Variants in UGT3A1 observed in about 807,000 individuals in gnomAD.
UGT3A1 encodes the protein UDP glycosyltransferase family 3 member A1, also known as UDP-glycosyltransferase 3A1.
A neutral mutation model predicts 37.6 loss-of-function variants in UGT3A1; 40 were observed. The observed-to-expected ratio is 1.06, with a 90% CI of 0.83 to 1.38. UGT3A1 has a LOEUF of 1.38. Among genes scored for constraint, UGT3A1 ranks in the 40% most tolerant of loss-of-function variants. The pLI, the probability that UGT3A1 is intolerant of heterozygous loss-of-function variation, is 0.00. For missense variants in UGT3A1, 642 were observed against 634.2 expected (o/e 1.01, Z -0.13); for synonymous variants, 256 against 232.3 (o/e 1.10, Z -0.93).
upstream of UGT3A1, among the ~76,000 whole-genome samples, chr5:35,994,629 G>C (rs958221412): frequency 6.6e-6 from 1 of 152,004 alleles, no homozygotes; most frequent in Non-Finnish European, 1.5e-5. Flanking sequence ...ATAAGGAGCT[G>C]ACCCCTCCCA....
chr5:35,986,602 A>C (rs1451110410), intron 2 of UGT3A1, among the ~76,000 whole-genome samples: 1 of 152,152 alleles, frequency 6.6e-6, no homozygotes, highest in Non-Finnish European at 1.5e-5. Flanking sequence ...GTTCTCACCC[A>C]TATGCAGTAG....
At chr5:35,981,233 C>T (rs114917279) in intron 2 of UGT3A1, among the ~76,000 whole-genome samples, 1,725 of 152,320 alleles carry the variant, frequency 0.011, 39 homozygotes, top group African/African-American at 0.039. Context: ...GCTAGCTTCA[C>T]TCTGCAATTA....
chr5:35,976,665 T>C (rs1308480678), intron 2 of UGT3A1, among the ~76,000 whole-genome samples: 5 of 151,864 alleles, frequency 3.3e-5, no homozygotes, highest in Non-Finnish European at 7.4e-5. Context: ...CATAGTGAGA[T>C]ACCGACTCTA....
rs1739765862 is a variant in UGT3A1, at chr5:35,965,535, C to T, written c.694G>A (p.Gly232Ser). 6.2e-7 allele frequency: 1 copy of T among 1,614,192 alleles called. No homozygotes were observed. Among genetic ancestry groups the T allele is most frequent in the Non-Finnish European group, 8.5e-7 (1 of 1,180,032 alleles). ...AGATGAGACAAAACTGGCCTAGAGCCTTCTGGGAAATGCTCCTTGATGGTG... is the reference window on the plus strand; with the variant it reads ...AGATGAGACAAAACTGGCCTAGAGCTTTCTGGGAAATGCTCCTTGATGGTG... ...DNTIKEHFPE[G>S]SRPVLSHLLL... Residue 232 changes from glycine to serine, a missense_variant, in exon 4 of 7, where the codon GGC (glycine) becomes AGC (serine). Coordinates refer to ENST00000274278, the MANE Select transcript of UGT3A1 (RefSeq NM_152404.4).
In UGT3A1 at chr5:35,965,427, T is replaced by C; in HGVS notation, c.802A>G (p.Ile268Val). The C allele has an allele frequency of 1.2e-6, 2 of 1,614,090 alleles. No homozygotes were observed. The highest frequency in any genetic ancestry group is 2.2e-5 in the East Asian group (1 of 44,872). The change falls in exon 4 of 7, where the codon ATT becomes GTT. Residue 268 changes from isoleucine to valine, a missense_variant. Coordinates refer to ENST00000274278, the MANE Select transcript of UGT3A1 (RefSeq NM_152404.4). ...ATAGGTTTTTCCATCAAGCCTCCAA[T>C]ATAAACAGTGTTGGGAAGCAGGGGC... ...ARPLLPNTVYIGGLMEKPIKP... is the reference protein window; with the variant it reads ...ARPLLPNTVYVGGLMEKPIKP...
chr5:35,961,225 G>A (rs760385057), intron 4 of UGT3A1: 5 of 152,128 alleles, frequency 3.3e-5, no homozygotes, highest in African/African-American at 1.2e-4. Context: ...GAATATGGAC[G>A]ATGGCCAATC....
intron 2 of UGT3A1, among the ~76,000 whole-genome samples, chr5:35,984,367 T>G (rs914857996): frequency 1.3e-5 from 2 of 152,254 alleles, no homozygotes; most frequent in Non-Finnish European, 2.9e-5. Context: ...TACTTAACTG[T>G]ATTGCTCGGT....
At position 35,952,717 on chromosome 5, in the gene UGT3A1, C is replaced by A. The variant is rs1739220776; in HGVS notation, c.*1485G>T. On this transcript the variant is annotated 3_prime_UTR_variant, in exon 7 of 7. Transcript: ENST00000274278. The stretch of plus-strand genomic sequence containing the variant: ...CCTTCATGGGAGTATGGCCATCAAT[C>A]AATTCATGTGGTTTCATAAGAATTA... The A allele has an allele frequency of 6.6e-6, 1 of 152,148 alleles. No homozygotes were observed. The highest frequency in any genetic ancestry group is 1.5e-5 in the Non-Finnish European group (1 of 68,024). 9.4% of individuals were successfully genotyped at this position (152,148 alleles called of 1,614,324 possible). A position where few individuals can be genotyped will look rare whatever the true frequency, so the allele number is the denominator to read the frequency against.
chr5:35,979,087 C>G (rs1431928628), intron 2 of UGT3A1, among the ~76,000 whole-genome samples: 1 of 152,158 alleles, frequency 6.6e-6, no homozygotes, highest in African/African-American at 2.4e-5. Flanking sequence ...AGCTCTACCC[C>G]TGTGTCTTTG....
In UGT3A1 at chr5:35,951,030, C is replaced by CTTT. The variant is rs1739191565; in HGVS notation, c.*3171_*3172insAAA. 2 of 150,070 alleles carry CTTT rather than the reference C, an allele frequency of 1.3e-5. No homozygotes were observed. Among genetic ancestry groups the CTTT allele is most frequent in the African/African-American group, 2.4e-5 (1 of 40,926 alleles). The allele number at this position is 150,070 out of a possible 1,614,324, so 9.3% of individuals were successfully genotyped here. On this transcript the variant is annotated 3_prime_UTR_variant, in exon 7 of 7. Transcript: ENST00000274278. The stretch of plus-strand genomic sequence containing the variant: ...ATTCGTTTGGAGTTCTTTTTTTTTT[C>CTTT]TGTTGATTGATTGTATACAGTATAT...
upstream of UGT3A1, chr5:35,991,563 C>T (rs1580968127): frequency 2.8e-6 from 3 of 1,090,818 alleles, no homozygotes; most frequent in East Asian, 1.8e-4. Context: ...TTACTAAGAG[C>T]CAGGAATGAC....
At chr5:35,975,157 G>A (rs987888177) in intron 2 of UGT3A1, among the ~76,000 whole-genome samples, 2 of 152,228 alleles carry the variant, frequency 1.3e-5, no homozygotes, top group Non-Finnish European at 2.9e-5. Flanking sequence ...AGCCAACCCT[G>A]TCATTTGCCT....
At chr5:35,958,872 C>T (rs1221417607) in intron 4 of UGT3A1, among the ~76,000 whole-genome samples, 1 of 152,200 alleles carries the variant, frequency 6.6e-6, no homozygotes, top group African/African-American at 2.4e-5. Context: ...TTTGTCTCAC[C>T]TAATTCAGAG....
At chr5:35,974,572 G>A (rs1202848828) in intron 2 of UGT3A1, among the ~76,000 whole-genome samples, 2 of 152,190 alleles carry the variant, frequency 1.3e-5, no homozygotes, top group African/African-American at 4.8e-5. Context: ...GACCTGTGCA[G>A]AAAACACGTG....
rs16900001 is a variant in UGT3A1 at position 35,968,397 on chromosome 5, A to G, written c.197-264T>C. 5.2e-3 allele frequency among the ~76,000 whole-genome samples: 785 copies of G among 152,314 alleles called. 20 individuals are homozygous for G. In the East Asian group the frequency reaches 0.055, roughly 11 times the overall value. ...AAAGCTTTCATTTAAAGGAACAGCTATTACACTTATTTTATAGATGAGACA... is the reference window on the plus strand; with the variant it reads ...AAAGCTTTCATTTAAAGGAACAGCTGTTACACTTATTTTATAGATGAGACA... On this transcript the variant is annotated intron_variant, in intron 2 of 6. Transcript: ENST00000274278.
chr5:35,973,010 A>AGTCAAGG (rs928978067), intron 2 of UGT3A1, among the ~76,000 whole-genome samples: 15 of 152,190 alleles, frequency 9.9e-5, no homozygotes, highest in African/African-American at 3.6e-4. Flanking sequence ...TTTCTGCTAA[A>AGTCAAGG]GTCAAGGCAA....
At chr5:35,993,151 G>T (rs750745667), upstream of UGT3A1, among the ~76,000 whole-genome samples, 1 of 151,926 alleles carries the variant, frequency 6.6e-6, no homozygotes, top group Non-Finnish European at 1.5e-5. Context: ...TGCTCCATTT[G>T]TTTTATATCA....
rs953962956 is a variant in UGT3A1, at chr5:35,951,243, G to A, written c.*2959C>T. On this transcript the variant is annotated 3_prime_UTR_variant, in exon 7 of 7. Transcript: ENST00000274278. The stretch of plus-strand genomic sequence containing the variant: ...TTAACGTTTCCAAAATCCAAACTAT[G>A]TAAAAACATAAACACATGGATCCTT... 1.3e-5 allele frequency: 2 copies of A among 152,024 alleles called. No individual in the cohort carries two copies. The highest frequency in any genetic ancestry group is 1.3e-4 in the Admixed American group (2 of 15,262). 9.4% of individuals were successfully genotyped at this position (152,024 alleles called of 1,614,324 possible).
intron 1 of UGT3A1, among the ~76,000 whole-genome samples, chr5:35,990,799 G>A (rs909702498): frequency 1.3e-5 from 2 of 152,144 alleles, no homozygotes; most frequent in African/African-American, 4.8e-5. Context: ...GGAGCTTAGG[G>A]TGAGCCTCTG....
Sources: allele counts gnomAD v4.1 joint callset (sites outside exome capture counted in the v4.1 genomes callset), GRCh38; gene constraint gnomAD v4.1.1; transcripts MANE v1.5; gene names NCBI Gene and HGNC (gene_info 2026-07-23, HGNC 2026-07-21).